ASIC2: variants seen among roughly 807,000 people sequenced by gnomAD.
ASIC2 encodes the protein acid sensing ion channel subunit 2.
ASIC2 carries 25 observed loss-of-function variants against 57.3 expected under a neutral mutation model. The ratio of observed to expected loss-of-function variants is 0.44; its 90% confidence interval spans 0.32 to 0.61. ASIC2 has a LOEUF of 0.61. ASIC2 is among the 20% of genes least tolerant of loss of function. The pLI is 0.06. For synonymous variants in ASIC2, 319 were observed against 307.5 expected (o/e 1.04, Z -0.39); for missense variants, 641 against 738.1 (o/e 0.87, Z 1.52).
At chr17:34,133,954 C>A (rs958682698) in intron 1 of ASIC2, among the ~76,000 whole-genome samples, 2 of 152,152 alleles carry the variant, frequency 1.3e-5, no homozygotes, top group Non-Finnish European at 2.9e-5. Flanking sequence ...CAGCCCCCAT[C>A]ACAAAGAATC....
At chr17:33,910,165 C>G (rs1331062336) in intron 1 of ASIC2, among the ~76,000 whole-genome samples, 2 of 152,108 alleles carry the variant, frequency 1.3e-5, no homozygotes, top group African/African-American at 2.4e-5. Context: ...TATTCTGTGC[C>G]TAAGATGCAA....
intron 1 of ASIC2, among the ~76,000 whole-genome samples, chr17:33,375,876 G>A (rs1909259235): frequency 7.6e-6 from 1 of 132,244 alleles, no homozygotes. Flanking sequence ...AAGTAAGTGA[G>A]TAGCAGCTAA....
chr17:34,047,678 T>G (rs1908391345), intron 1 of ASIC2, among the ~76,000 whole-genome samples: 1 of 152,160 alleles, frequency 6.6e-6, no homozygotes, highest in Non-Finnish European at 1.5e-5. Context: ...GCTGACTTGC[T>G]GTGACCAATG....
chr17:33,582,455 G>A (rs762509793), intron 1 of ASIC2, among the ~76,000 whole-genome samples: 11 of 152,162 alleles, frequency 7.2e-5, no homozygotes, highest in Non-Finnish European at 1.5e-4. Context: ...TTAAGAGTCT[G>A]TTGTCTGGAG....
intron 1 of ASIC2, among the ~76,000 whole-genome samples, chr17:33,858,306 C>A (rs1001297858): frequency 6.6e-6 from 1 of 152,154 alleles, no homozygotes; most frequent in South Asian, 2.1e-4. Flanking sequence ...GCGAGTAATG[C>A]CTGAATTTCC....
chr17:33,383,028 A>AAACCAAAC (rs1555603857), intron 1 of ASIC2, among the ~76,000 whole-genome samples: 1 of 150,774 alleles, frequency 6.6e-6, no homozygotes, highest in South Asian at 2.1e-4. Flanking sequence ...GGGAATATAA[A>AAACCAAAC]AAACAAACAA....
intron 1 of ASIC2, among the ~76,000 whole-genome samples, chr17:33,660,568 G>T (rs1907225672): frequency 6.6e-6 from 1 of 152,096 alleles, no homozygotes; most frequent in Non-Finnish European, 1.5e-5. Flanking sequence ...GAAAAGCATA[G>T]TATAATAAAT....
intron 1 of ASIC2, among the ~76,000 whole-genome samples, chr17:33,668,109 C>T (rs936199751): frequency 2.0e-5 from 3 of 152,072 alleles, no homozygotes; most frequent in Non-Finnish European, 4.4e-5. Flanking sequence ...ACCGCGCTGG[C>T]GTGTCTGGAA....
intron 1 of ASIC2, among the ~76,000 whole-genome samples, chr17:33,477,472 T>A (rs1030343767): frequency 6.6e-6 from 1 of 152,200 alleles, no homozygotes; most frequent in African/African-American, 2.4e-5. Flanking sequence ...CTCACTGTCT[T>A]CATAGTATAA....
chr17:33,898,726 C>T (rs1321074860), intron 1 of ASIC2, among the ~76,000 whole-genome samples: 1 of 152,124 alleles, frequency 6.6e-6, no homozygotes, highest in Non-Finnish European at 1.5e-5. Context: ...TTTTTATTGT[C>T]TTCCAATATG....
At chr17:33,727,175 T>C (rs935899624) in intron 1 of ASIC2, among the ~76,000 whole-genome samples, 1 of 152,170 alleles carries the variant, frequency 6.6e-6, no homozygotes, top group South Asian at 2.1e-4. Context: ...CTAACTCTTA[T>C]TTTATTAATG....
intron 1 of ASIC2, among the ~76,000 whole-genome samples, chr17:33,813,140 A>G (rs1237022931): frequency 6.6e-6 from 1 of 152,168 alleles, no homozygotes; most frequent in African/African-American, 2.4e-5. Context: ...TGACCGCAGA[A>G]TGGTCCTTTA....
intron 1 of ASIC2, among the ~76,000 whole-genome samples, chr17:33,811,512 C>T (rs1912421568): frequency 6.6e-6 from 1 of 152,212 alleles, no homozygotes; most frequent in Admixed American, 6.5e-5. Flanking sequence ...TAGTCACCAG[C>T]CCATGAATGC....
intron 1 of ASIC2, among the ~76,000 whole-genome samples, chr17:33,431,185 G>T (rs574489555): frequency 1.3e-5 from 2 of 152,292 alleles, no homozygotes; most frequent in African/African-American, 4.8e-5. Context: ...ACGTCTAAAA[G>T]GATGAAACAG....
chr17:33,018,266 C>A (rs940176643), intron 7 of ASIC2, among the ~76,000 whole-genome samples: 24 of 152,148 alleles, frequency 1.6e-4, no homozygotes, highest in Admixed American at 2.0e-4. Context: ...TCAAAGTTTT[C>A]TGGATTTGTC....
At chr17:33,476,022 T>A (rs1175420664) in intron 1 of ASIC2, among the ~76,000 whole-genome samples, 1 of 152,228 alleles carries the variant, frequency 6.6e-6, no homozygotes, top group Non-Finnish European at 1.5e-5. Flanking sequence ...GTAGCCCTGT[T>A]CACTAAGTAA....
At chr17:33,363,347 A>G (rs1187102029) in intron 1 of ASIC2, among the ~76,000 whole-genome samples, 1 of 152,210 alleles carries the variant, frequency 6.6e-6, no homozygotes, top group Non-Finnish European at 1.5e-5. Flanking sequence ...AGGTTAAGTG[A>G]CCTGCAAAAG....
intron 1 of ASIC2, among the ~76,000 whole-genome samples, chr17:34,134,005 C>A (rs74501170): frequency 6.6e-6 from 1 of 152,136 alleles, no homozygotes; most frequent in South Asian, 2.1e-4. Flanking sequence ...CTGAAAAACC[C>A]TGAGAGAAGG....
At chr17:33,863,731 G>T (rs947835824) in intron 1 of ASIC2, among the ~76,000 whole-genome samples, 1 of 152,140 alleles carries the variant, frequency 6.6e-6, no homozygotes, top group African/African-American at 2.4e-5. Flanking sequence ...AATTCTCAAA[G>T]TGGTATTAAT....
Sources: gnomAD v4.1 joint callset for allele counts (sites outside exome capture counted in the v4.1 genomes callset) on GRCh38, gnomAD v4.1.1 for gene constraint, MANE v1.5 for transcripts, NCBI Gene and HGNC (gene_info 2026-07-23, HGNC 2026-07-21) for gene names.